Variants in CCNDBP1 observed in about 807,000 individuals in gnomAD.
CCNDBP1 encodes cyclin-D1-binding protein 1.
CCNDBP1 carries 45 observed loss-of-function variants against 46.2 expected under a neutral mutation model. The observed-to-expected ratio is 0.97, with a 90% confidence interval of 0.77 to 1.25. The LOEUF is 1.25. CCNDBP1 is among the 50% of genes most tolerant of loss of function. The pLI, the probability that CCNDBP1 is intolerant of heterozygous loss-of-function variation, is 0.00. For missense variants in CCNDBP1, 436 were observed against 442.1 expected (o/e 0.99, Z 0.12); for synonymous variants, 154 against 163.6 (o/e 0.94, Z 0.45).
chr15:43,190,043 G>A lies in CCNDBP1; in HGVS notation c.332-12G>A, dbSNP rs1480715647. 1.2e-6 allele frequency: 2 copies of A among 1,613,486 alleles called. No homozygotes were observed. The highest frequency in any genetic ancestry group is 1.7e-6 in the Non-Finnish European group (2 of 1,179,520). On this transcript the variant is annotated splice_polypyrimidine_tract_variant and intron_variant, in intron 4 of 10. Transcript: ENST00000300213. ...GAACACCAGGTTGCTTATTCTTTGG[G>A]TTTGGCCACAGGGATCACCCTGAGA...
intron 7 of CCNDBP1, 142 bp downstream of exon 7, chr15:43,191,184 T>C (rs2041943778): frequency 2.4e-6 from 2 of 817,190 alleles, no homozygotes; most frequent in South Asian, 3.3e-5. Context: ...TGCTTGTTAG[T>C]GTTTGATTTA....
In CCNDBP1 at chr15:43,191,678, A is replaced by T; in HGVS notation, c.860+3A>T. On this transcript the variant is annotated splice_donor_region_variant and intron_variant, in intron 8 of 10. Transcript: ENST00000300213. Reference sequence around the variant, plus strand: ...ATTTCTGATGAAATCAGCCCTAGGTAAGCGGGATCCCCACTTGAAACATCT... The same window carrying T: ...ATTTCTGATGAAATCAGCCCTAGGTTAGCGGGATCCCCACTTGAAACATCT... 1 of 1,599,358 alleles carries T rather than the reference A, an allele frequency of 6.3e-7. No homozygotes were observed. The highest frequency in any genetic ancestry group is 1.1e-5 in the South Asian group (1 of 91,002).
At chr15:43,188,243 G>A (rs1056855123) in intron 3 of CCNDBP1, among the ~76,000 whole-genome samples, 1 of 152,112 alleles carries the variant, frequency 6.6e-6, no homozygotes, top group African/African-American at 2.4e-5. Flanking sequence ...GAGAAAGCCA[G>A]TGACCACCTA....
At chr15:43,187,709 G>A (rs775698593) in intron 3 of CCNDBP1, among the ~76,000 whole-genome samples, 1 of 152,130 alleles carries the variant, frequency 6.6e-6, no homozygotes, top group Admixed American at 6.5e-5. Flanking sequence ...TCTTTCAAAT[G>A]CACTTAGGAC....
At chr15:43,191,312 A>G (rs1262299503) in intron 7 of CCNDBP1, 83 bp from the exon 8 acceptor site, 3 of 1,393,360 alleles carry the variant, frequency 2.2e-6, no homozygotes, top group Admixed American at 4.9e-5. Flanking sequence ...CAACTAAGAC[A>G]TCGTGGTAAA....
intron 1 of CCNDBP1, 73 bp from the exon 2 acceptor site, chr15:43,185,747 C>G: frequency 6.6e-7 from 1 of 1,519,050 alleles, no homozygotes; most frequent in Non-Finnish European, 8.9e-7. Flanking sequence ...CGGGCTTGGG[C>G]GAGGGAGGTG....
In CCNDBP1 at chr15:43,191,013, G is replaced by C. The variant is rs775211097; in HGVS notation, c.550G>C (p.Val184Leu). 8.1e-6 allele frequency: 13 copies of C among 1,614,026 alleles called. No homozygotes were observed. Among genetic ancestry groups the C allele is most frequent in the Non-Finnish European group, 1.0e-5 (12 of 1,179,996 alleles). The stretch of plus-strand genomic sequence containing the variant: ...GATGCTGACCAAGAATGTGGATTTT[G>C]TGAAGGATGCACATGAAGAAATGGA... ...LLMLTKNVDF[V>L]KDAHEEMEQA... is the part of the protein sequence containing the mutation. The change falls in exon 7 of 11, where the codon GTG (valine) becomes CTG (leucine). Residue 184 changes from valine to leucine, a missense_variant. Val to Leu is a conservative substitution (Grantham distance 32). Coordinates refer to ENST00000300213, the MANE Select transcript of CCNDBP1 (RefSeq NM_012142.5).
intron 3 of CCNDBP1, among the ~76,000 whole-genome samples, chr15:43,186,911 CAG>C (rs944782289): frequency 1.3e-5 from 2 of 152,182 alleles, no homozygotes; most frequent in African/African-American, 4.8e-5. Flanking sequence ...TTACTGCAAA[CAG>C]TGTCGTGATG....
chr15:43,194,406 C>G lies in CCNDBP1; in HGVS notation c.922-9C>G. On this transcript the variant is annotated splice_polypyrimidine_tract_variant and intron_variant, in intron 9 of 10. Coordinates refer to ENST00000300213, the MANE Select transcript of CCNDBP1 (RefSeq NM_012142.5). ...CTCAGGGTGAATAACTTCTGTGTTT[C>G]TTTTCTAGTCTGCGAAACTTGTATC... 2 of 1,600,802 alleles carry G rather than the reference C, an allele frequency of 1.2e-6. No homozygotes were observed. Among genetic ancestry groups the G allele is most frequent in the Non-Finnish European group, 1.7e-6 (2 of 1,175,812 alleles).
intron 9 of CCNDBP1, 75 bp downstream of exon 9, chr15:43,192,878 G>T: frequency 7.7e-7 from 1 of 1,292,156 alleles, no homozygotes. Flanking sequence ...TTTCCTGTAA[G>T]CTATAGGGTA....
chr15:43,190,532 TTAATA>T (rs2041931828), intron 6 of CCNDBP1, 134 bp downstream of exon 6: 2 of 642,494 alleles, frequency 3.1e-6, no homozygotes, highest in Non-Finnish European at 5.2e-6. Flanking sequence ...ATTAATGAAA[TTAATA>T]GGTAGGTATT....
At chr15:43,193,510 GA>G (rs2041993338) in intron 9 of CCNDBP1, among the ~76,000 whole-genome samples, 1 of 152,120 alleles carries the variant, frequency 6.6e-6, no homozygotes, top group South Asian at 2.1e-4. Flanking sequence ...ACATGTTTCT[GA>G]TTTCTAGACA....
In CCNDBP1 at chr15:43,186,320, C is replaced by G. The variant is rs1284829717; in HGVS notation, c.249+87C>G. ...TTCTTTCCACCTTTTGCACGCACGC[C>G]AGGAGATTTCTTTTCTTCATCTGTC... is the stretch of plus-strand genomic sequence containing the variant. On this transcript the variant is annotated intron_variant, in intron 3 of 10. Coordinates refer to ENST00000300213, the MANE Select transcript of CCNDBP1 (RefSeq NM_012142.5). 18 of 989,572 alleles carry G rather than the reference C, an allele frequency of 1.8e-5. No homozygotes were observed. The East Asian group carries it at 3.9e-4, about 22-fold the overall frequency. The allele number at this position is 989,572 out of a possible 1,614,324, so 61.3% of individuals were successfully genotyped here.
intron 9 of CCNDBP1, chr15:43,193,026 T>G: frequency 1.8e-6 from 1 of 545,136 alleles, no homozygotes; most frequent in Non-Finnish European, 3.3e-6. Flanking sequence ...CATAATCACC[T>G]GGGTAATCAT....
At chr15:43,192,223 TTG>T (rs2041964972) in intron 8 of CCNDBP1, among the ~76,000 whole-genome samples, 1 of 152,224 alleles carries the variant, frequency 6.6e-6, no homozygotes, top group Non-Finnish European at 1.5e-5. Flanking sequence ...GACAGTTGTC[TTG>T]TAAAATATCC....
chr15:43,188,440 A>G (rs1179301932), intron 3 of CCNDBP1: 1 of 152,114 alleles, frequency 6.6e-6, no homozygotes, highest in Non-Finnish European at 1.5e-5. Context: ...AATATTTTAG[A>G]TTTTGTAACC....
chr15:43,186,212 G>A lies in CCNDBP1; in HGVS notation c.228G>A (p.Gln76=). 6.2e-7 allele frequency: 1 copy of A among 1,614,096 alleles called. No individual in the cohort carries two copies. The highest frequency in any genetic ancestry group is 8.5e-7 in the Non-Finnish European group (1 of 1,179,950). ...EATTLTIVFS[Q]LPLPSPQETQ... is the part of the protein sequence containing the mutation. The stretch of plus-strand genomic sequence containing the variant: ...CGACTCTGACCATAGTCTTCTCTCA[G>A]CTTCCACTGCCGTCTCCACAGGTGG... The change falls in exon 3 of 11, where the codon CAG becomes CAA. Residue 76 remains glutamine (Q), a synonymous_variant. Coordinates refer to ENST00000300213, the MANE Select transcript of CCNDBP1 (RefSeq NM_012142.5).
chr15:43,197,037 C>T lies in CCNDBP1; in HGVS notation c.*2196C>T, dbSNP rs2042046834. ...GCACCTGGCACTTACCCCTACCCCT[C>T]AACCCATTCTTGCCCTGTGATCTCT... is the stretch of plus-strand genomic sequence containing the variant. On this transcript the variant is annotated 3_prime_UTR_variant, in exon 11 of 11. Coordinates refer to ENST00000300213, the MANE Select transcript of CCNDBP1 (RefSeq NM_012142.5). 1 of 470,488 alleles carries T rather than the reference C, an allele frequency of 2.1e-6. No homozygotes were observed. The highest frequency in any genetic ancestry group is 2.0e-5 in the African/African-American group (1 of 50,536). The allele number at this position is 470,488 out of a possible 1,614,324, so 29.1% of individuals were successfully genotyped here.
chr15:43,188,864 G>C (rs1306377331), intron 3 of CCNDBP1: 1 of 191,738 alleles, frequency 5.2e-6, no homozygotes, highest in Admixed American at 5.5e-5. Flanking sequence ...ATCACCTGAG[G>C]TCAGGAGTTC....
Sources: allele counts gnomAD v4.1 joint callset (sites outside exome capture counted in the v4.1 genomes callset), GRCh38; gene constraint gnomAD v4.1.1; transcripts MANE v1.5; gene names NCBI Gene and HGNC (gene_info 2026-07-23, HGNC 2026-07-21).